The following GDPD1 variants were observed in gnomAD, a reference collection of about 807,000 sequenced individuals.
GDPD1 encodes the protein glycerophosphodiester phosphodiesterase domain containing 1.
A neutral mutation model predicts 45.1 loss-of-function variants in GDPD1; 28 were observed. The observed-to-expected ratio is 0.62, with a 90% CI of 0.46 to 0.85. GDPD1 has a LOEUF of 0.85. Ranked by LOEUF, GDPD1 falls within the 40% of genes least tolerant of loss-of-function variation. The probability of loss-of-function intolerance (pLI) is 0.00; values close to 1 mark genes in which losing one functional copy is unlikely to be tolerated. For missense variants in GDPD1, 256 were observed against 364.8 expected (o/e 0.70, Z 2.43); for synonymous variants, 139 against 131.4 (o/e 1.06, Z -0.40).
rs537639356 is a variant in GDPD1 at position 59,263,483 on chromosome 17, CTT to C, written c.577-3547_577-3546del. Among the ~76,000 whole-genome samples, 5 of 120,320 alleles carry C rather than the reference CTT, an allele frequency of 4.2e-5. 1 individual carries two copies. The highest frequency in any genetic ancestry group is 8.0e-5 in the Non-Finnish European group (5 of 62,276). 78.9% of individuals were successfully genotyped at this position (120,320 alleles called of 152,430 possible). On this transcript the variant is annotated intron_variant, in intron 6 of 9. Coordinates refer to ENST00000284116, the MANE Select transcript of GDPD1 (RefSeq NM_182569.4). ...CTTTTGCAATTCTTTTTTTCCTTTC[CTT>C]TTTTTTTTTTGAGACGGAGTTTCAC...
chr17:59,271,050 A>C (rs2047440494), intron 8 of GDPD1, 55 bp downstream of exon 8: 1 of 1,040,278 alleles, frequency 9.6e-7, no homozygotes, highest in Admixed American at 2.1e-5. Context: ...TATTTATTAA[A>C]TACTACCCTT....
intron 2 of GDPD1, among the ~76,000 whole-genome samples, chr17:59,245,018 T>C (rs987830584): frequency 3.9e-5 from 6 of 152,006 alleles, no homozygotes; most frequent in Non-Finnish European, 4.4e-5. Flanking sequence ...TAAATAAAAA[T>C]AAAAACAAGC....
At chr17:59,231,069 A>G (rs930028177) in intron 1 of GDPD1, among the ~76,000 whole-genome samples, 24 of 152,186 alleles carry the variant, frequency 1.6e-4, no homozygotes, top group African/African-American at 5.1e-4. Flanking sequence ...ATGGGTCACC[A>G]GGGACATCTT....
intron 1 of GDPD1, among the ~76,000 whole-genome samples, chr17:59,225,675 T>A (rs1466444119): frequency 6.6e-6 from 1 of 151,948 alleles, no homozygotes; most frequent in Non-Finnish European, 1.5e-5. Context: ...CCCAATTCCT[T>A]AACAAATTAT....
chr17:59,261,156 G>C (rs571660475), intron 6 of GDPD1, among the ~76,000 whole-genome samples: 1 of 152,278 alleles, frequency 6.6e-6, no homozygotes, highest in Non-Finnish European at 1.5e-5. Context: ...AGTAGAGATG[G>C]GGTTTCGCCA....
chr17:59,224,624 C>CAA (rs71145538), intron 1 of GDPD1, among the ~76,000 whole-genome samples: 8 of 114,788 alleles, frequency 7.0e-5, no homozygotes, highest in African/African-American at 1.5e-4. Context: ...GACTCCATCT[C>CAA]AAAAAAAAAA....
chr17:59,228,383 C>T (rs1446913033), intron 1 of GDPD1, among the ~76,000 whole-genome samples: 2 of 152,036 alleles, frequency 1.3e-5, no homozygotes, highest in Non-Finnish European at 2.9e-5. Flanking sequence ...AACACAGTCA[C>T]TTCTTTTAAG....
intron 2 of GDPD1, among the ~76,000 whole-genome samples, chr17:59,238,141 G>A (rs1303221111): frequency 1.3e-5 from 2 of 150,808 alleles, no homozygotes; most frequent in African/African-American, 2.4e-5. Context: ...GGTAGCGCAT[G>A]CCTGTAATCC....
intron 2 of GDPD1, among the ~76,000 whole-genome samples, chr17:59,238,468 C>T (rs2047151869): frequency 6.7e-6 from 1 of 149,382 alleles, no homozygotes; most frequent in African/African-American, 2.5e-5. Flanking sequence ...GGCTGGAGTG[C>T]AGTGGCAAGA....
intron 1 of GDPD1, among the ~76,000 whole-genome samples, chr17:59,226,971 G>A (rs368231835): frequency 5.9e-5 from 9 of 151,296 alleles, no homozygotes; most frequent in East Asian, 1.9e-4. Context: ...ATGAACCACC[G>A]CGCCCACCCT....
intron 2 of GDPD1, among the ~76,000 whole-genome samples, chr17:59,240,578 C>T (rs1408546290): frequency 6.6e-6 from 1 of 152,024 alleles, no homozygotes; most frequent in Non-Finnish European, 1.5e-5. Context: ...AAGCGATCCT[C>T]CTGCCTCAGC....
At chr17:59,254,391 C>T (rs1421594860) in intron 4 of GDPD1, among the ~76,000 whole-genome samples, 1 of 150,002 alleles carries the variant, frequency 6.7e-6, no homozygotes, top group East Asian at 1.9e-4. Context: ...AAAAGCCAAG[C>T]GTGGTGGCAC....
chr17:59,229,942 A>G (rs978822459), intron 1 of GDPD1, among the ~76,000 whole-genome samples: 4 of 152,048 alleles, frequency 2.6e-5, no homozygotes, highest in African/African-American at 9.7e-5. Flanking sequence ...GCCAAGACCT[A>G]TATGCATTAT....
intron 6 of GDPD1, among the ~76,000 whole-genome samples, chr17:59,264,376 C>A (rs982697679): frequency 4.6e-5 from 7 of 152,066 alleles, no homozygotes; most frequent in Non-Finnish European, 8.8e-5. Context: ...TCACTGCAAC[C>A]TCCACCTCCC....
chr17:59,240,059 G>A (rs573940322), intron 2 of GDPD1, among the ~76,000 whole-genome samples: 4 of 152,194 alleles, frequency 2.6e-5, no homozygotes, highest in Non-Finnish European at 4.4e-5. Flanking sequence ...TTGGGAGGCC[G>A]AGGCGGGCAG....
At chr17:59,220,893 G>A (rs2046998881) in intron 1 of GDPD1, 142 bp downstream of exon 1, 2 of 967,300 alleles carry the variant, frequency 2.1e-6, no homozygotes, top group East Asian at 2.5e-5. Context: ...TTCCGGAGGT[G>A]AAGGCTGTGT....
chr17:59,242,268 G>A (rs965769443), intron 2 of GDPD1, among the ~76,000 whole-genome samples: 5 of 152,082 alleles, frequency 3.3e-5, no homozygotes, highest in African/African-American at 1.2e-4. Flanking sequence ...TTCCCATGTT[G>A]GCCAGGCTGG....
chr17:59,224,201 G>T (rs987008682), intron 1 of GDPD1, among the ~76,000 whole-genome samples: 11 of 152,126 alleles, frequency 7.2e-5, no homozygotes, highest in African/African-American at 2.4e-4. Flanking sequence ...AATCATGCAT[G>T]GGTGAAAGAT....
Position 59,256,565 on chromosome 17 carries a change from C to T in GDPD1, c.368-557C>T, listed in dbSNP as rs546147503. 2.0e-5 allele frequency among the ~76,000 whole-genome samples: 3 copies of T among 152,206 alleles called. No homozygotes were observed. In the South Asian group the frequency reaches 6.2e-4, roughly 32 times the overall value. ...ACTTTAGAAACAATCTCAGTATCTA[C>T]TAGTAGGGAAATGGTTAAATTAAAA... On this transcript the variant is annotated intron_variant, in intron 4 of 9. Coordinates refer to ENST00000284116, the MANE Select transcript of GDPD1 (RefSeq NM_182569.4).
Sources: allele counts gnomAD v4.1 joint callset (sites outside exome capture counted in the v4.1 genomes callset), GRCh38; gene constraint gnomAD v4.1.1; transcripts MANE v1.5; gene names NCBI Gene and HGNC (gene_info 2026-07-23, HGNC 2026-07-21).